Variants in C8orf34 observed in about 807,000 individuals in gnomAD.
C8orf34 encodes chromosome 8 open reading frame 34.
Under a neutral mutation model 68.3 loss-of-function variants are expected in C8orf34, and 65 were observed. That is an observed-to-expected ratio of 0.95 (90% CI 0.78 to 1.17). The LOEUF is 1.17. Among genes scored for constraint, C8orf34 ranks in the 50% most tolerant of loss-of-function variants. The pLI is 0.00. For synonymous variants in C8orf34, 244 were observed against 241.2 expected (o/e 1.01, Z -0.11); for missense variants, 664 against 655.4 (o/e 1.01, Z -0.14).
intron 10 of C8orf34, among the ~76,000 whole-genome samples, chr8:68,723,914 A>G (rs1202878773): frequency 6.6e-6 from 1 of 152,186 alleles, no homozygotes; most frequent in Non-Finnish European, 1.5e-5. Flanking sequence ...TCCCCAATGC[A>G]AAAGTTTGTT....
At chr8:68,731,054 T>C (rs1821963791) in intron 10 of C8orf34, among the ~76,000 whole-genome samples, 1 of 152,188 alleles carries the variant, frequency 6.6e-6, no homozygotes, top group South Asian at 2.1e-4. Flanking sequence ...GGTAAAGCCT[T>C]ATAGCTCTGA....
At chr8:68,529,666 G>A (rs1424239735) in intron 6 of C8orf34, among the ~76,000 whole-genome samples, 1 of 152,128 alleles carries the variant, frequency 6.6e-6, no homozygotes, top group Admixed American at 6.5e-5. Context: ...AAGGATTCTA[G>A]AAAAACAGTT....
At chr8:68,645,927 T>C (rs982537703) in intron 8 of C8orf34, among the ~76,000 whole-genome samples, 5 of 152,182 alleles carry the variant, frequency 3.3e-5, no homozygotes, top group African/African-American at 1.2e-4. Context: ...TGAAGGAGAC[T>C]GGTAGAACCT....
At chr8:68,663,683 T>C (rs1261257776) in intron 8 of C8orf34, among the ~76,000 whole-genome samples, 1 of 152,168 alleles carries the variant, frequency 6.6e-6, no homozygotes, top group Non-Finnish European at 1.5e-5. Context: ...ACAAGTGCCT[T>C]GTGAGAGCAG....
chr8:68,799,151 A>C (rs1024671980), intron 12 of C8orf34, among the ~76,000 whole-genome samples: 3 of 152,316 alleles, frequency 2.0e-5, no homozygotes, highest in Admixed American at 6.5e-5. Context: ...GCATGGCCCA[A>C]ATTTTTGTTA....
intron 2 of C8orf34, among the ~76,000 whole-genome samples, chr8:68,445,682 T>A (rs1447980371): frequency 3.3e-5 from 5 of 152,210 alleles, no homozygotes; most frequent in African/African-American, 9.6e-5. Context: ...TGAGTGAAAT[T>A]TACTGAAATG....
At chr8:68,699,505 G>A (rs955634927) in intron 8 of C8orf34, among the ~76,000 whole-genome samples, 1 of 152,004 alleles carries the variant, frequency 6.6e-6, no homozygotes, top group African/African-American at 2.4e-5. Flanking sequence ...ATGTCCCCAG[G>A]GTTGTCCTTT....
intron 1 of C8orf34, among the ~76,000 whole-genome samples, chr8:68,366,284 G>A (rs1342003135): frequency 1.6e-5 from 2 of 124,456 alleles, no homozygotes; most frequent in African/African-American, 7.1e-5. Flanking sequence ...CATGCTCATG[G>A]GTAGGAAGAA....
At chr8:68,771,773 G>A (rs1823345177) in intron 10 of C8orf34, among the ~76,000 whole-genome samples, 2 of 151,876 alleles carry the variant, frequency 1.3e-5, no homozygotes, top group Non-Finnish European at 1.5e-5. Context: ...CTCAATACAT[G>A]TTTGTTTAAA....
At chr8:68,767,563 C>T (rs1417371073) in intron 10 of C8orf34, among the ~76,000 whole-genome samples, 1 of 152,198 alleles carries the variant, frequency 6.6e-6, no homozygotes. Context: ...CTTCAGTTCT[C>T]TATATTTTTC....
chr8:68,419,909 C>T (rs1809875265), intron 1 of C8orf34, among the ~76,000 whole-genome samples: 1 of 146,790 alleles, frequency 6.8e-6, no homozygotes, highest in East Asian at 2.0e-4. Context: ...AGCACACCAG[C>T]ATGGCACATG....
chr8:68,390,968 A>G (rs1026236098), intron 1 of C8orf34, among the ~76,000 whole-genome samples: 69 of 152,158 alleles, frequency 4.5e-4, no homozygotes, highest in African/African-American at 1.6e-3. Flanking sequence ...GATGATGCCC[A>G]CCTGCAGTAT....
intron 10 of C8orf34, among the ~76,000 whole-genome samples, chr8:68,750,617 G>A (rs1822678447): frequency 6.6e-6 from 1 of 152,010 alleles, no homozygotes; most frequent in South Asian, 2.1e-4. Context: ...TATGTTACGT[G>A]CATTTTACCA....
chr8:68,811,551 A>G (rs1398702986), intron 12 of C8orf34, among the ~76,000 whole-genome samples: 1 of 152,194 alleles, frequency 6.6e-6, no homozygotes, highest in South Asian at 2.1e-4. Flanking sequence ...GTGTCTTCGC[A>G]GCAGCCGCTC....
At chr8:68,687,516 G>T (rs1349933933) in intron 8 of C8orf34, among the ~76,000 whole-genome samples, 2 of 152,000 alleles carry the variant, frequency 1.3e-5, no homozygotes, top group African/African-American at 4.8e-5. Context: ...TTAGGGAAAG[G>T]ACACCGTATT....
chr8:68,743,711 C>T (rs911662536), intron 10 of C8orf34, among the ~76,000 whole-genome samples: 35 of 152,220 alleles, frequency 2.3e-4, no homozygotes, highest in African/African-American at 6.8e-4. Flanking sequence ...GATTAAAACC[C>T]GCACCTGGCT....
At chr8:68,438,658 A>G (rs577029124) in intron 1 of C8orf34, 1 of 152,336 alleles carries the variant, frequency 6.6e-6, no homozygotes, top group East Asian at 1.9e-4. Flanking sequence ...ACATAAGTTC[A>G]CAAACCCAAT....
At chr8:68,655,716 G>A (rs528316955) in intron 8 of C8orf34, among the ~76,000 whole-genome samples, 4 of 152,206 alleles carry the variant, frequency 2.6e-5, no homozygotes, top group East Asian at 1.9e-4. Context: ...TTCCATTTAC[G>A]ATGGGTTAAT....
chr8:68,408,873 C>CT (rs1313651507), intron 1 of C8orf34, among the ~76,000 whole-genome samples: 1 of 152,206 alleles, frequency 6.6e-6, no homozygotes, highest in East Asian at 1.9e-4. Flanking sequence ...ACTGCAACTT[C>CT]TGCCTCCTGC....
Sources: allele counts gnomAD v4.1 joint callset (sites outside exome capture counted in the v4.1 genomes callset), GRCh38; gene constraint gnomAD v4.1.1; transcripts MANE v1.5; gene names NCBI Gene and HGNC (gene_info 2026-07-23, HGNC 2026-07-21).